The following CSMD3 variants were observed in gnomAD, a reference collection of about 807,000 sequenced individuals.
CSMD3 encodes CUB and Sushi multiple domains 3.
In CSMD3, 177 loss-of-function variants were observed where a neutral mutation model predicts 435.2. That is an observed-to-expected ratio of 0.41 (90% confidence interval 0.36 to 0.46). CSMD3 has a LOEUF of 0.46. Ranked by LOEUF, CSMD3 falls within the 20% of genes least tolerant of loss-of-function variation. The pLI is 0.34. For missense variants in CSMD3, 4,265 were observed against 4,504.6 expected (o/e 0.95, Z 1.52); for synonymous variants, 1,656 against 1,520.5 (o/e 1.09, Z -2.07).
chr8:112,583,204 G>A (rs1183483230), intron 23 of CSMD3, among the ~76,000 whole-genome samples: 2 of 151,976 alleles, frequency 1.3e-5, no homozygotes, highest in Non-Finnish European at 2.9e-5. Context: ...AAAGAAACAA[G>A]GAAGCAAGAA....
At chr8:112,508,058 C>T (rs1822718237) in intron 28 of CSMD3, among the ~76,000 whole-genome samples, 1 of 152,052 alleles carries the variant, frequency 6.6e-6, no homozygotes, top group Non-Finnish European at 1.5e-5. Flanking sequence ...CTTTACAATC[C>T]CAGGATAGAG....
At chr8:112,723,762 T>C (rs984589469) in intron 13 of CSMD3, among the ~76,000 whole-genome samples, 4 of 152,130 alleles carry the variant, frequency 2.6e-5, no homozygotes, top group African/African-American at 9.7e-5. Flanking sequence ...CCTAGTTTTA[T>C]CATCCCTACA....
chr8:112,817,550 T>C (rs1406992195), intron 12 of CSMD3, among the ~76,000 whole-genome samples: 1 of 152,114 alleles, frequency 6.6e-6, no homozygotes, highest in Non-Finnish European at 1.5e-5. Flanking sequence ...TGATCTCTAT[T>C]GACTTTTGTC....
At chr8:113,164,442 A>C (rs1362905418) in intron 4 of CSMD3, among the ~76,000 whole-genome samples, 1 of 151,788 alleles carries the variant, frequency 6.6e-6, no homozygotes, top group Non-Finnish European at 1.5e-5. Flanking sequence ...AAGAAAAAAA[A>C]ACAATTCCTC....
rs749445679 is a variant in CSMD3 at position 112,346,198 on chromosome 8, G to A, written c.6341C>T (p.Ala2114Val). ...IPICLAQCGG[A>V]MSDFSGVILS... ...GATCACACCACTGAAGTCTGACATA[G>A]CACCACCACACTGAGCTGCAAAATA... The change falls in exon 41 of 71, where the codon GCT becomes GTT. Residue 2114 changes from alanine to valine, a missense_variant. Physicochemically the swap from Ala to Val is moderately conservative, Grantham distance 64 (BLOSUM62 0). This residue lies in a region of CSMD3 where 3,255 missense variants were observed against 3,380.2 expected (regional missense o/e 0.96). Transcript: ENST00000297405. 7 of 1,607,720 alleles carry A rather than the reference G, an allele frequency of 4.4e-6. No individual in the cohort carries two copies. The Admixed American group carries it at 1.2e-4, about 27-fold the overall frequency.
intron 4 of CSMD3, among the ~76,000 whole-genome samples, chr8:113,135,367 C>T (rs2091391676): frequency 6.6e-6 from 1 of 151,702 alleles, no homozygotes; most frequent in Non-Finnish European, 1.5e-5. Context: ...ATTGCAAATC[C>T]AGTCCTTTGA....
chr8:112,657,971 T>C (rs954610013), intron 17 of CSMD3, among the ~76,000 whole-genome samples: 4 of 152,224 alleles, frequency 2.6e-5, no homozygotes, highest in South Asian at 2.1e-4. Context: ...ATGCTTTGCA[T>C]ATAGTAGACA....
chr8:112,640,940 C>T (rs1349722544), intron 20 of CSMD3, among the ~76,000 whole-genome samples: 2 of 151,962 alleles, frequency 1.3e-5, no homozygotes, highest in African/African-American at 4.8e-5. Flanking sequence ...TGTGCTTGTT[C>T]TGAAATACAT....
chr8:113,168,227 TA>T (rs2092192022), intron 4 of CSMD3, among the ~76,000 whole-genome samples: 1 of 152,058 alleles, frequency 6.6e-6, no homozygotes, highest in South Asian at 2.1e-4. Flanking sequence ...AAAATGTTTT[TA>T]AAAACTACAG....
At chr8:112,274,388 G>A (rs1817832168) in intron 59 of CSMD3, among the ~76,000 whole-genome samples, 1 of 152,114 alleles carries the variant, frequency 6.6e-6, no homozygotes, top group East Asian at 1.9e-4. Context: ...GCTATGCATA[G>A]CCCAGCAGAC....
intron 1 of CSMD3, among the ~76,000 whole-genome samples, chr8:113,321,882 T>C (rs976608541): frequency 6.6e-6 from 1 of 152,200 alleles, no homozygotes; most frequent in South Asian, 2.1e-4. Flanking sequence ...GAAGAACTTA[T>C]AATACTCACT....
chr8:112,515,429 G>C (rs539644345), intron 28 of CSMD3, among the ~76,000 whole-genome samples: 41 of 152,188 alleles, frequency 2.7e-4, no homozygotes, highest in Admixed American at 2.2e-3. Context: ...GGTTAATTGA[G>C]TAGTAAACAA....
chr8:112,334,147 A>G (rs190177794), intron 45 of CSMD3, among the ~76,000 whole-genome samples: 1 of 152,318 alleles, frequency 6.6e-6, no homozygotes, highest in East Asian at 1.9e-4. Context: ...GTATGGCCAT[A>G]GACTGAACCC....
chr8:112,302,822 A>C (rs1043934872), intron 52 of CSMD3, among the ~76,000 whole-genome samples: 1 of 151,706 alleles, frequency 6.6e-6, no homozygotes, highest in Middle Eastern at 3.4e-3. Flanking sequence ...CCCCAAAAAA[A>C]ATCATTTGAG....
chr8:112,640,594 GT>G (rs57299830), intron 20 of CSMD3, among the ~76,000 whole-genome samples: 1,788 of 148,242 alleles, frequency 0.012, 16 homozygotes, highest in South Asian at 0.038. Flanking sequence ...AAGTTTTGGT[GT>G]TTTTTTTTTC....
intron 27 of CSMD3, among the ~76,000 whole-genome samples, chr8:112,535,055 C>A (rs1029389776): frequency 2.6e-5 from 4 of 152,136 alleles, no homozygotes; most frequent in Non-Finnish European, 5.9e-5. Flanking sequence ...CTGTCTATGA[C>A]AAACCCACAG....
At chr8:113,188,725 G>T (rs1359036180) in intron 3 of CSMD3, among the ~76,000 whole-genome samples, 1 of 151,906 alleles carries the variant, frequency 6.6e-6, no homozygotes, top group East Asian at 1.9e-4. Context: ...TAGTGATAAA[G>T]CTTCCATTAA....
rs564528143 is a variant in CSMD3 at position 112,900,154 on chromosome 8, T to C, written c.1633+21473A>G. ...AGGGCAGTCCTGACCCATGGAATCA[T>C]AGCAGGCTGCTGAGGAGGAATTTAG... On this transcript the variant is annotated intron_variant, in intron 10 of 70. Transcript: ENST00000297405. Among the ~76,000 whole-genome samples the C allele has an allele frequency of 2.0e-5, 3 of 151,326 alleles. No individual in the cohort carries two copies. The East Asian group carries it at 5.9e-4, about 30-fold the overall frequency.
At chr8:112,956,246 A>T (rs1327476488) in intron 7 of CSMD3, among the ~76,000 whole-genome samples, 4 of 151,956 alleles carry the variant, frequency 2.6e-5, no homozygotes, top group Admixed American at 6.5e-5. Flanking sequence ...ATCCTTATTC[A>T]TGGTGAAAAA....
Sources: gnomAD v4.1 joint callset for allele counts (sites outside exome capture counted in the v4.1 genomes callset) on GRCh38, gnomAD v4.1.1 for gene constraint, gnomAD v4.1.1 regional missense constraint, MANE v1.5 for transcripts, NCBI Gene and HGNC (gene_info 2026-07-23, HGNC 2026-07-21) for gene names.